Variants in WRN observed in about 807,000 individuals in gnomAD.
WRN encodes WRN RecQ like helicase.
WRN carries 149 observed loss-of-function variants against 180.7 expected under a neutral mutation model. The observed-to-expected ratio is 0.82, with a 90% CI of 0.72 to 0.94. The LOEUF is 0.94. WRN is among the 40% of genes least tolerant of loss of function. The pLI, the probability that WRN is intolerant of heterozygous loss-of-function variation, is 0.00. For missense variants in WRN, 1,661 were observed against 1,700.1 expected, an observed-to-expected ratio of 0.98 and a Z score of 0.40; for synonymous variants, 548 against 568.9, an observed-to-expected ratio of 0.96 and a Z score of 0.52.
chr8:31,096,471 A>G (rs1417100777), intron 16 of WRN, among the ~76,000 whole-genome samples: 2 of 152,190 alleles, frequency 1.3e-5, no homozygotes, highest in Non-Finnish European at 2.9e-5. Context: ...ATCCCACTCA[A>G]AAGAAATTAG....
intron 21 of WRN, among the ~76,000 whole-genome samples, chr8:31,123,383 G>A (rs1801801066): frequency 6.6e-6 from 1 of 152,148 alleles, no homozygotes; most frequent in Admixed American, 6.6e-5. Context: ...GCGGCTTCAG[G>A]CATCCACTGG....
intron 1 of WRN, among the ~76,000 whole-genome samples, chr8:31,047,743 A>G (rs921895143): frequency 3.9e-5 from 6 of 152,266 alleles, no homozygotes; most frequent in Non-Finnish European, 8.8e-5. Context: ...AAATTGACTT[A>G]CTTGAAAACT....
At chr8:31,074,171 C>T (rs1030916694) in intron 7 of WRN, among the ~76,000 whole-genome samples, 6 of 151,722 alleles carry the variant, frequency 4.0e-5, no homozygotes, top group Admixed American at 2.0e-4. Context: ...GTGATCCACC[C>T]GCCTCGGCCT....
intron 4 of WRN, 145 bp downstream of exon 4, chr8:31,064,579 C>T (rs1812620894): frequency 5.0e-6 from 6 of 1,199,640 alleles, no homozygotes; most frequent in Admixed American, 2.2e-5. Context: ...CTGATTCACT[C>T]ACATTCCTTG....
At chr8:31,087,616 A>G (rs777186451) in intron 11 of WRN, 160 bp from the exon 12 acceptor site, 62 of 669,500 alleles carry the variant, frequency 9.3e-5, no homozygotes, top group Non-Finnish European at 1.5e-4. Flanking sequence ...ATGAGCACAT[A>G]TTTAAACCGG....
chr8:31,064,015 C>T (rs1812595759), intron 3 of WRN, among the ~76,000 whole-genome samples: 1 of 152,142 alleles, frequency 6.6e-6, no homozygotes, highest in African/African-American at 2.4e-5. Context: ...AACCACCATA[C>T]CTGGCCATAT....
chr8:31,111,230 T>C (rs892090287), intron 18 of WRN, among the ~76,000 whole-genome samples: 3 of 152,160 alleles, frequency 2.0e-5, no homozygotes, highest in Non-Finnish European at 4.4e-5. Context: ...TTTGTAATTA[T>C]ACATTAATCA....
At chr8:31,116,737 C>T (rs1205831112) in intron 20 of WRN, among the ~76,000 whole-genome samples, 1 of 152,170 alleles carries the variant, frequency 6.6e-6, no homozygotes, top group Non-Finnish European at 1.5e-5. Context: ...AGGAATAGCT[C>T]TGTCAAGGTA....
At position 31,081,011 on chromosome 8, in the gene WRN, A is replaced by G. The variant is rs201979783; in HGVS notation, c.984A>G (p.Val328=). ...TTGAAGATTCAACTACTGGGGGAGT[A>G]CAACAGAAACAAATTAGAGAACATG... ...LSFEDSTTGG[V]QQKQIREHEV... Residue 328 remains valine (V), a synonymous_variant, in exon 9 of 35, where the codon GTA becomes GTG. Transcript: ENST00000298139. 17 of 1,614,066 alleles carry G rather than the reference A, an allele frequency of 1.1e-5. No individual in the cohort carries two copies. In the East Asian group the frequency reaches 2.5e-4, roughly 23 times the overall value.
intron 23 of WRN, among the ~76,000 whole-genome samples, chr8:31,131,958 CTTTTTTT>C (rs71208103): frequency 0.12 from 14,519 of 123,198 alleles, 772 homozygotes; most frequent in African/African-American, 0.14. Flanking sequence ...AGCTGAAAGG[CTTTTTTT>C]TTTTTTTTTT....
rs765971042 is a variant in WRN, at chr8:31,076,302, T to C, written c.839+15T>C. 2.2e-6 allele frequency: 3 copies of C among 1,367,298 alleles called. No homozygotes were observed. Among genetic ancestry groups the C allele is most frequent in the Non-Finnish European group, 2.0e-6 (2 of 992,648 alleles). The allele number at this position is 1,367,298 out of a possible 1,614,324, so 84.7% of individuals were successfully genotyped here. A position where few individuals can be genotyped will look rare whatever the true frequency, so the allele number is the denominator to read the frequency against. ...AACCCACGGAGGTTAAATATTACCT[T>C]TTTTTTTTTTAACTTAAATCAATTC... is the stretch of plus-strand genomic sequence containing the variant. On this transcript the variant is annotated intron_variant, in intron 8 of 34. Coordinates refer to ENST00000298139, the MANE Select transcript of WRN (RefSeq NM_000553.6).
At chr8:31,109,921 A>C (rs1287915808) in intron 18 of WRN, among the ~76,000 whole-genome samples, 1 of 152,178 alleles carries the variant, frequency 6.6e-6, no homozygotes, top group Non-Finnish European at 1.5e-5. Flanking sequence ...GTCATGTTTC[A>C]TGCTTACTTC....
intron 18 of WRN, among the ~76,000 whole-genome samples, chr8:31,105,927 A>G (rs1191301232): frequency 2.0e-5 from 3 of 152,178 alleles, no homozygotes; most frequent in African/African-American, 4.8e-5. Flanking sequence ...ATGTACATAT[A>G]TATGTGTGTA....
intron 7 of WRN, among the ~76,000 whole-genome samples, chr8:31,074,930 G>A (rs535328387): frequency 5.9e-4 from 89 of 152,084 alleles, no homozygotes; most frequent in South Asian, 3.5e-3. Flanking sequence ...GGAAAGATAG[G>A]GATGCTGGTG....
intron 23 of WRN, among the ~76,000 whole-genome samples, chr8:31,125,300 G>A (rs777506670): frequency 4.6e-5 from 7 of 150,944 alleles, no homozygotes; most frequent in Non-Finnish European, 7.4e-5. Flanking sequence ...TGTTCTGTAC[G>A]TTGTCCACAA....
chr8:31,154,610 T>A lies in WRN; in HGVS notation c.3688-14T>A. 1 of 1,607,762 alleles carries A rather than the reference T, an allele frequency of 6.2e-7. No individual in the cohort carries two copies. The highest frequency in any genetic ancestry group is 1.7e-5 in the Admixed American group (1 of 59,442). On this transcript the variant is annotated splice_polypyrimidine_tract_variant and intron_variant, in intron 31 of 34. Transcript: ENST00000298139. The stretch of plus-strand genomic sequence containing the variant: ...ATATTACTGATCATTTGTGCTACAT[T>A]AAAAATTCTGTAGACAGACCTCTTT...
intron 20 of WRN, among the ~76,000 whole-genome samples, 155 bp downstream of exon 20, chr8:31,116,683 A>G (rs1053127016): frequency 6.6e-6 from 1 of 152,242 alleles, no homozygotes. Flanking sequence ...GCAGATTAGT[A>G]TAAATAGCAA....
intron 13 of WRN, among the ~76,000 whole-genome samples, chr8:31,089,988 T>C (rs1813681426): frequency 6.6e-6 from 1 of 151,948 alleles, no homozygotes; most frequent in Non-Finnish European, 1.5e-5. Context: ...TTAACAGTTT[T>C]TTCTTTGGTG....
chr8:31,044,572 G>A (rs113229854), intron 1 of WRN, among the ~76,000 whole-genome samples: 2,773 of 151,906 alleles, frequency 0.018, 68 homozygotes, highest in African/African-American at 0.064. Flanking sequence ...GGTCAGGCTG[G>A]TCTCGAACTC....
Sources: gnomAD v4.1 joint callset for allele counts (sites outside exome capture counted in the v4.1 genomes callset) on GRCh38, gnomAD v4.1.1 for gene constraint, MANE v1.5 for transcripts, NCBI Gene and HGNC (gene_info 2026-07-23, HGNC 2026-07-21) for gene names.